The following ADARB2 variants were observed in gnomAD, a reference collection of about 807,000 sequenced individuals.
The protein encoded by ADARB2 is adenosine deaminase RNA specific B2 (inactive).
A neutral mutation model predicts 62.2 loss-of-function variants in ADARB2; 25 were observed. The ratio of observed to expected loss-of-function variants is 0.40; its 90% CI spans 0.29 to 0.56. ADARB2 has a LOEUF of 0.56. ADARB2 is among the 20% of genes least tolerant of loss of function. The probability of loss-of-function intolerance (pLI) is 0.43; values close to 1 mark genes in which losing one functional copy is unlikely to be tolerated. For synonymous variants in ADARB2, 572 were observed against 500.8 expected (o/e 1.14, Z -1.90); for missense variants, 1,071 against 1,077.4 (o/e 0.99, Z 0.08).
intron 1 of ADARB2, among the ~76,000 whole-genome samples, chr10:1,475,356 G>T (rs1283096563): frequency 6.6e-6 from 1 of 152,196 alleles, no homozygotes; most frequent in Non-Finnish European, 1.5e-5. Flanking sequence ...TTAGTGATGA[G>T]TCTGTTTCAG....
chr10:1,630,568 G>A (rs1833829851), intron 1 of ADARB2, among the ~76,000 whole-genome samples: 1 of 152,180 alleles, frequency 6.6e-6, no homozygotes, highest in South Asian at 2.1e-4. Context: ...AGGGCAGAGG[G>A]GGTGTGTGCT....
intron 1 of ADARB2, among the ~76,000 whole-genome samples, chr10:1,578,269 A>T (rs1833048521): frequency 6.6e-6 from 1 of 152,224 alleles, no homozygotes; most frequent in Non-Finnish European, 1.5e-5. Flanking sequence ...ACAAAGCATG[A>T]AGTCACACTC....
Position 1,185,000 on chromosome 10 carries a change from G to T in ADARB2, c.1904C>A (p.Pro635His), listed in dbSNP as rs1197418418. 1 of 1,613,516 alleles carries T rather than the reference G, an allele frequency of 6.2e-7. No individual in the cohort carries two copies. The highest frequency in any genetic ancestry group is 1.1e-5 in the South Asian group (1 of 91,066). ...DAEARQPGKSPPFSMNWVVGS... is the reference protein window; with the variant it reads ...DAEARQPGKSHPFSMNWVVGS... ...CACGACCCAGTTCATGCTGAAGGGGGGCGACTTCCCCGGCTGGCGCGCCTC... is the reference window on the plus strand; with the variant it reads ...CACGACCCAGTTCATGCTGAAGGGGTGCGACTTCCCCGGCTGGCGCGCCTC... Residue 635 changes from proline (P) to histidine (H), a missense_variant, in exon 9 of 10, where the codon CCC (proline) becomes CAC (histidine). Coordinates refer to ENST00000381312, the MANE Select transcript of ADARB2 (RefSeq NM_018702.4).
chr10:1,553,262 G>T (rs1202096573), intron 1 of ADARB2, among the ~76,000 whole-genome samples: 1 of 152,226 alleles, frequency 6.6e-6, no homozygotes, highest in Non-Finnish European at 1.5e-5. Context: ...GTCATAAATT[G>T]CTTAGTTTTA....
At chr10:1,550,128 G>T (rs1379849759) in intron 1 of ADARB2, among the ~76,000 whole-genome samples, 2 of 152,118 alleles carry the variant, frequency 1.3e-5, no homozygotes, top group Non-Finnish European at 2.9e-5. Flanking sequence ...TGGGGTCCCT[G>T]CTCCCCACAC....
At chr10:1,274,286 G>T (rs751933316) in intron 3 of ADARB2, among the ~76,000 whole-genome samples, 4 of 152,242 alleles carry the variant, frequency 2.6e-5, no homozygotes, top group Non-Finnish European at 4.4e-5. Flanking sequence ...CTGTCCCACG[G>T]GGTTCACTGT....
In ADARB2 at chr10:1,673,493, C is replaced by T. The variant is rs555138104; in HGVS notation, c.100+63558G>A. On this transcript the variant is annotated intron_variant, in intron 1 of 9. Coordinates refer to ENST00000381312, the MANE Select transcript of ADARB2 (RefSeq NM_018702.4). ...AAACAAAAAGTTTGTAAGGATAAAT[C>T]TTGCAAAATGATTTCTTTACTTTCT... is the stretch of plus-strand genomic sequence containing the variant. Among the ~76,000 whole-genome samples, 32 of 152,224 alleles carry T rather than the reference C, an allele frequency of 2.1e-4. No individual in the cohort carries two copies. In the South Asian group the frequency reaches 6.4e-3, roughly 31 times the overall value.
intron 1 of ADARB2, among the ~76,000 whole-genome samples, chr10:1,512,228 G>A (rs1242600787): frequency 2.0e-5 from 3 of 149,038 alleles, no homozygotes; most frequent in African/African-American, 5.0e-5. Context: ...GCATACCAAG[G>A]TGTTGATGCT....
intron 8 of ADARB2, among the ~76,000 whole-genome samples, chr10:1,193,167 G>A (rs1836865878): frequency 6.6e-6 from 1 of 152,208 alleles, no homozygotes; most frequent in Non-Finnish European, 1.5e-5. Flanking sequence ...AGTGATGTCC[G>A]GGGATGCCAA....
intron 3 of ADARB2, among the ~76,000 whole-genome samples, chr10:1,341,425 C>T (rs1381264454): frequency 6.9e-6 from 1 of 144,438 alleles, no homozygotes; most frequent in Non-Finnish European, 1.5e-5. Flanking sequence ...CACCAGAGAA[C>T]GACGCACCCC....
At chr10:1,717,483 T>C (rs78456652) in intron 1 of ADARB2, among the ~76,000 whole-genome samples, 2 of 152,084 alleles carry the variant, frequency 1.3e-5, no homozygotes, top group African/African-American at 4.8e-5. Context: ...TGTTCTTTTC[T>C]TTCTTCCTTC....
At chr10:1,602,341 G>C (rs190282988) in intron 1 of ADARB2, among the ~76,000 whole-genome samples, 1 of 152,164 alleles carries the variant, frequency 6.6e-6, no homozygotes, top group Non-Finnish European at 1.5e-5. Context: ...TTTTGAGCGC[G>C]TTGTGTTTTC....
intron 3 of ADARB2, among the ~76,000 whole-genome samples, chr10:1,300,254 G>C (rs1831561148): frequency 6.6e-6 from 1 of 152,234 alleles, no homozygotes; most frequent in African/African-American, 2.4e-5. Flanking sequence ...CTCACATGCA[G>C]GTATAATGGC....
At chr10:1,287,273 A>T (rs1411174530) in intron 3 of ADARB2, among the ~76,000 whole-genome samples, 1 of 152,262 alleles carries the variant, frequency 6.6e-6, no homozygotes, top group African/African-American at 2.4e-5. Context: ...TTAATTCACA[A>T]ATAATAATTG....
intron 1 of ADARB2, among the ~76,000 whole-genome samples, chr10:1,596,659 G>T (rs927950655): frequency 1.3e-5 from 2 of 152,190 alleles, no homozygotes; most frequent in Admixed American, 6.5e-5. Context: ...GAGACCAGGG[G>T]AGCACTGCTC....
chr10:1,233,860 A>G lies in ADARB2; in HGVS notation c.1362-15T>C. 1 of 1,607,064 alleles carries G rather than the reference A, an allele frequency of 6.2e-7. No homozygotes were observed. Among genetic ancestry groups the G allele is most frequent in the South Asian group, 1.1e-5 (1 of 90,326 alleles). ...CGCGCCGCTTGCTAGGGTCACAAAG[A>G]GGTTTGGGGTCATTTATCACAAACC... On this transcript the variant is annotated splice_polypyrimidine_tract_variant and intron_variant, in intron 5 of 9. Transcript: ENST00000381312.
intron 1 of ADARB2, among the ~76,000 whole-genome samples, chr10:1,480,432 C>T (rs542803376): frequency 9.3e-4 from 142 of 152,344 alleles, no homozygotes; most frequent in African/African-American, 3.2e-3. Flanking sequence ...GGCGTGGTGG[C>T]TCACGCCTGT....
chr10:1,537,166 A>G (rs1057397946), intron 1 of ADARB2, among the ~76,000 whole-genome samples: 2 of 152,236 alleles, frequency 1.3e-5, no homozygotes, highest in African/African-American at 4.8e-5. Flanking sequence ...ATGAACAGAC[A>G]CTTCTCAAAA....
chr10:1,707,935 C>T (rs1834909963), intron 1 of ADARB2, among the ~76,000 whole-genome samples: 1 of 152,120 alleles, frequency 6.6e-6, no homozygotes, highest in African/African-American at 2.4e-5. Flanking sequence ...AGTTTCTGGC[C>T]TCCATTTTTT....
Sources: allele counts gnomAD v4.1 joint callset (sites outside exome capture counted in the v4.1 genomes callset), GRCh38; gene constraint gnomAD v4.1.1; transcripts MANE v1.5; gene names NCBI Gene and HGNC (gene_info 2026-07-23, HGNC 2026-07-21).